NRXN1: variants seen among roughly 807,000 people sequenced by gnomAD.
NRXN1 encodes neurexin-1.
In NRXN1, 39 loss-of-function variants were observed where a neutral mutation model predicts 150.9. The ratio of observed to expected loss-of-function variants is 0.26; its 90% CI spans 0.20 to 0.34. NRXN1 has a LOEUF of 0.34. Ranked by LOEUF, NRXN1 falls within the 10% of genes least tolerant of loss-of-function variation. The pLI is 1.00. For missense variants in NRXN1, 1,815 were observed against 1,949.9 expected, an observed-to-expected ratio of 0.93 and a Z score of 1.30; for synonymous variants, 924 against 757.0, an observed-to-expected ratio of 1.22 and a Z score of -3.62.
chr2:50,845,838 T>C (rs979690357), intron 5 of NRXN1, among the ~76,000 whole-genome samples: 13 of 152,332 alleles, frequency 8.5e-5, no homozygotes, highest in African/African-American at 2.6e-4. Flanking sequence ...TAAGGCTTTT[T>C]GAATTTTTAT....
Position 50,640,849 on chromosome 2 carries a change from AT to A in NRXN1, c.833-17235del, listed in dbSNP as rs369527107. On this transcript the variant is annotated intron_variant, in intron 5 of 22. Transcript: ENST00000401669. ...TTGTACAAATATATATGCTTTAAGTATTTCTGGTGAAACCTTATGTAACCAT... is the reference window on the plus strand; with the variant it reads ...TTGTACAAATATATATGCTTTAAGTATTCTGGTGAAACCTTATGTAACCAT... Among the ~76,000 whole-genome samples, 37 of 152,242 alleles carry A rather than the reference AT, an allele frequency of 2.4e-4. No individual in the cohort carries two copies. The South Asian group carries it at 7.5e-3, about 31-fold the overall frequency.
intron 5 of NRXN1, among the ~76,000 whole-genome samples, chr2:50,675,119 C>A (rs370827782): frequency 6.6e-6 from 1 of 152,024 alleles, no homozygotes; most frequent in Non-Finnish European, 1.5e-5. Context: ...CTTTCTGAGG[C>A]CTCACCAGAA....
chr2:50,581,672 G>A (rs1265034208), intron 8 of NRXN1, among the ~76,000 whole-genome samples: 2 of 152,200 alleles, frequency 1.3e-5, no homozygotes, highest in African/African-American at 4.8e-5. Context: ...ATGTCATGAT[G>A]ATGACAGAAT....
chr2:51,028,231 A>G lies in NRXN1; in HGVS notation c.43T>C (p.Cys15Arg). The change falls in exon 2 of 23, where the codon TGC becomes CGC. Residue 15 changes from cysteine to arginine, a missense_variant. Cys to Arg is a radical substitution (Grantham distance 180, BLOSUM62 -3). Coordinates refer to ENST00000401669, the MANE Select transcript of NRXN1 (RefSeq NM_001330078.2). ...LLQRGGCFLLCLSLLLLGCWA... is the reference protein window; with the variant it reads ...LLQRGGCFLLRLSLLLLGCWA... ...CAGCCCAGGAGCAGCAGCGAGAGGC[A>G]CAGAAGAAAACAGCCCCCGCGCTGG... 1.4e-6 allele frequency: 2 copies of G among 1,471,158 alleles called. No homozygotes were observed. Among genetic ancestry groups the G allele is most frequent in the Non-Finnish European group, 1.8e-6 (2 of 1,118,532 alleles). The allele number at this position is 1,471,158 out of a possible 1,614,324, so 91.1% of individuals were successfully genotyped here.
intron 3 of NRXN1, chr2:50,923,288 T>C (rs1462091675): frequency 5.6e-6 from 1 of 178,874 alleles, no homozygotes; most frequent in African/African-American, 2.4e-5. Flanking sequence ...AAGCTAGAAT[T>C]TACTACAAAA....
At chr2:50,743,675 C>A (rs887573986) in intron 5 of NRXN1, among the ~76,000 whole-genome samples, 1 of 152,112 alleles carries the variant, frequency 6.6e-6, no homozygotes, top group South Asian at 2.1e-4. Flanking sequence ...ACAGATTTAA[C>A]CATCACGTGA....
intron 21 of NRXN1, chr2:49,969,851 C>T (rs1216136600): frequency 6.6e-6 from 1 of 152,022 alleles, no homozygotes; most frequent in Non-Finnish European, 1.5e-5. Context: ...GTATCCATGA[C>T]TTTACTAATA....
rs779089299 is a variant in NRXN1 at position 50,497,402 on chromosome 2, G to A, written c.2810C>T (p.Ser937Phe). 1 of 1,601,786 alleles carries A rather than the reference G, an allele frequency of 6.2e-7. No individual in the cohort carries two copies. The highest frequency in any genetic ancestry group is 8.5e-7 in the Non-Finnish European group (1 of 1,173,476). ...MHLFFQFKTT[S>F]LDGLILYNSG... is the part of the protein sequence containing the mutation. The stretch of plus-strand genomic sequence containing the variant: ...GTTATATAGAATTAATCCATCTAGG[G>A]ATGTTGTCTTGAACTGGAAAAAAAG... Residue 937 changes from serine to phenylalanine, a missense_variant, in exon 14 of 23, where the codon TCC (serine) becomes TTC (phenylalanine). Coordinates refer to ENST00000401669, the MANE Select transcript of NRXN1 (RefSeq NM_001330078.2).
chr2:50,824,948 G>C (rs1234059294), intron 5 of NRXN1, among the ~76,000 whole-genome samples: 4 of 152,152 alleles, frequency 2.6e-5, no homozygotes, highest in Non-Finnish European at 5.9e-5. Context: ...TTCAATCTTG[G>C]AGACCGGAAT....
At position 50,184,330 on chromosome 2, in the gene NRXN1, A is replaced by C. The variant is rs187644478; in HGVS notation, c.3546+52459T>G. Reference sequence around the variant, plus strand: ...CATTTTCAGGGCCGAAATAAGGACCAGGGATCCACATTTTGTTGAATGTCT... The same window carrying C: ...CATTTTCAGGGCCGAAATAAGGACCCGGGATCCACATTTTGTTGAATGTCT... On this transcript the variant is annotated intron_variant, in intron 18 of 22. Coordinates refer to ENST00000401669, the MANE Select transcript of NRXN1 (RefSeq NM_001330078.2). Among the ~76,000 whole-genome samples the C allele has an allele frequency of 1.6e-4, 24 of 152,148 alleles. No individual in the cohort carries two copies. The East Asian group carries it at 4.6e-3, about 29-fold the overall frequency.
intron 5 of NRXN1, among the ~76,000 whole-genome samples, chr2:50,876,747 C>G (rs1160692790): frequency 6.6e-6 from 1 of 151,792 alleles, no homozygotes; most frequent in East Asian, 1.9e-4. Flanking sequence ...CCGTTCGGCT[C>G]TTTATTTTTA....
chr2:50,697,741 C>T lies in NRXN1; in HGVS notation c.833-74126G>A, dbSNP rs187886273. ...GAATATAATTCAAATCCTGGGTTGC[C>T]ATGGTCTACAAGGCCTCAAATAAAA... On this transcript the variant is annotated intron_variant, in intron 5 of 22. Transcript: ENST00000401669. 7.9e-5 allele frequency among the ~76,000 whole-genome samples: 12 copies of T among 152,242 alleles called. No homozygotes were observed. In the East Asian group the frequency reaches 2.1e-3, roughly 27 times the overall value.
chr2:50,901,306 C>G (rs968786314), intron 5 of NRXN1, among the ~76,000 whole-genome samples: 1 of 151,958 alleles, frequency 6.6e-6, no homozygotes, highest in African/African-American at 2.4e-5. Context: ...GAGGCTGAGG[C>G]GGGCGGATCA....
chr2:50,059,827 G>A (rs1694231540), intron 19 of NRXN1, among the ~76,000 whole-genome samples: 1 of 152,182 alleles, frequency 6.6e-6, no homozygotes. Context: ...GCCCGTGGGT[G>A]CAAAGAAGTC....
chr2:50,418,238 C>A (rs1157244256), intron 17 of NRXN1, among the ~76,000 whole-genome samples: 1 of 151,998 alleles, frequency 6.6e-6, no homozygotes, highest in African/African-American at 2.4e-5. Flanking sequence ...CTAAAGCAAG[C>A]AGGAATCTCC....
intron 21 of NRXN1, among the ~76,000 whole-genome samples, chr2:50,039,299 C>G (rs963356179): frequency 4.6e-5 from 7 of 152,020 alleles, no homozygotes; most frequent in Non-Finnish European, 8.8e-5. Flanking sequence ...AATCCTGTCT[C>G]TACTAAAAAT....
At chr2:50,643,276 C>A (rs1684325023) in intron 5 of NRXN1, among the ~76,000 whole-genome samples, 2 of 151,830 alleles carry the variant, frequency 1.3e-5, no homozygotes, top group African/African-American at 4.8e-5. Flanking sequence ...TTAAACATTC[C>A]AATCCTTTAT....
intron 17 of NRXN1, among the ~76,000 whole-genome samples, chr2:50,314,637 A>G (rs1158056522): frequency 6.6e-6 from 1 of 151,976 alleles, no homozygotes; most frequent in Non-Finnish European, 1.5e-5. Context: ...TTTTAATGCC[A>G]CTAAACCACA....
chr2:50,011,577 C>T (rs891144728), intron 21 of NRXN1, among the ~76,000 whole-genome samples: 1 of 152,066 alleles, frequency 6.6e-6, no homozygotes, highest in Non-Finnish European at 1.5e-5. Flanking sequence ...TGGAGCCCAG[C>T]AGGCAGCTAG....
Sources: gnomAD v4.1 joint callset for allele counts (sites outside exome capture counted in the v4.1 genomes callset) on GRCh38, gnomAD v4.1.1 for gene constraint, MANE v1.5 for transcripts, NCBI Gene and HGNC (gene_info 2026-07-23, HGNC 2026-07-21) for gene names.